NRIP1: variants seen among roughly 807,000 people sequenced by gnomAD.
NRIP1 encodes the protein nuclear receptor-interacting protein 1.
NRIP1 carries 28 observed loss-of-function variants against 75.0 expected under a neutral mutation model. That is an observed-to-expected ratio of 0.37 (90% confidence interval 0.28 to 0.51). The LOEUF (loss-of-function observed/expected upper bound fraction) is 0.51, where lower values mean the gene tolerates loss of function less well. Among genes scored for constraint, NRIP1 ranks in the 20% least tolerant of loss-of-function variants. NRIP1 has a pLI of 0.92. For missense variants in NRIP1, 1,435 were observed against 1,343.7 expected, an observed-to-expected ratio of 1.07 and a Z score of -1.06; for synonymous variants, 526 against 487.6, an observed-to-expected ratio of 1.08 and a Z score of -1.04.
chr21:15,062,687 A>G (rs942725033), intron 1 of NRIP1, among the ~76,000 whole-genome samples: 1 of 152,210 alleles, frequency 6.6e-6, no homozygotes, highest in Admixed American at 6.5e-5. Flanking sequence ...ATTTTCGACT[A>G]TATCAGAACT....
At chr21:15,005,360 AG>A (rs1384541645) in intron 3 of NRIP1, among the ~76,000 whole-genome samples, 1 of 127,544 alleles carries the variant, frequency 7.8e-6, no homozygotes, top group Non-Finnish European at 1.5e-5. Flanking sequence ...AAATTCACAG[AG>A]CCCCCCAAAG....
At chr21:14,996,047 G>A (rs1164034416) in intron 3 of NRIP1, among the ~76,000 whole-genome samples, 1 of 152,058 alleles carries the variant, frequency 6.6e-6, no homozygotes, top group Non-Finnish European at 1.5e-5. Context: ...CAACAGAAAT[G>A]TAATGGGAGC....
chr21:15,010,564 T>TA (rs1215448816), intron 3 of NRIP1, among the ~76,000 whole-genome samples: 3 of 152,136 alleles, frequency 2.0e-5, no homozygotes, highest in Non-Finnish European at 4.4e-5. Context: ...GATACCAAAT[T>TA]AAAAAAATGT....
intron 3 of NRIP1, among the ~76,000 whole-genome samples, chr21:15,007,061 AAGTGTGGT>A: frequency 6.6e-6 from 1 of 152,172 alleles, no homozygotes; most frequent in Non-Finnish European, 1.5e-5. Flanking sequence ...GTGACACAGG[AAGTGTGGT>A]AGTCCAATGG....
chr21:14,980,417 T>C (rs565914519), intron 3 of NRIP1, among the ~76,000 whole-genome samples: 1 of 151,992 alleles, frequency 6.6e-6, no homozygotes, highest in African/African-American at 2.4e-5. Context: ...GAGGTTGCAG[T>C]GAGCCAAGAT....
At chr21:15,056,931 A>G (rs373043721) in intron 1 of NRIP1, among the ~76,000 whole-genome samples, 13 of 152,130 alleles carry the variant, frequency 8.5e-5, no homozygotes, top group Admixed American at 3.3e-4. Context: ...TTTAACAATA[A>G]AAGAACGTAC....
Position 14,964,270 on chromosome 21 carries a change from T to G in NRIP1, c.*446A>C, listed in dbSNP as rs1240675391. 2 of 152,652 alleles carry G rather than the reference T, an allele frequency of 1.3e-5. No individual in the cohort carries two copies. The highest frequency in any genetic ancestry group is 2.9e-5 in the Non-Finnish European group (2 of 68,276). 9.5% of individuals were successfully genotyped at this position (152,652 alleles called of 1,614,324 possible). Reference sequence around the variant, plus strand: ...ATAAGCTGTGAATCAGCACTAGGTTTTTTTTTATTGGATAATTATCCTTTA... The same window carrying G: ...ATAAGCTGTGAATCAGCACTAGGTTGTTTTTTATTGGATAATTATCCTTTA... On this transcript the variant is annotated 3_prime_UTR_variant, in exon 4 of 4. Coordinates refer to ENST00000318948, the MANE Select transcript of NRIP1 (RefSeq NM_003489.4).
intron 3 of NRIP1, among the ~76,000 whole-genome samples, chr21:14,990,878 C>T (rs910915209): frequency 6.6e-6 from 1 of 152,074 alleles, no homozygotes; most frequent in African/African-American, 2.4e-5. Flanking sequence ...TAATAAGTAG[C>T]CATCACACTG....
chr21:15,054,996 C>T (rs1600935857), intron 1 of NRIP1, among the ~76,000 whole-genome samples: 1 of 152,224 alleles, frequency 6.6e-6, no homozygotes, highest in Admixed American at 6.5e-5. Flanking sequence ...GTTTCACCAA[C>T]ATCAGGAACG....
At chr21:15,031,633 G>A (rs1473722910) in intron 2 of NRIP1, among the ~76,000 whole-genome samples, 1 of 90,994 alleles carries the variant, frequency 1.1e-5, no homozygotes, top group Non-Finnish European at 2.0e-5. Context: ...ATACACTCTG[G>A]AAGGCGCTCG....
chr21:15,002,492 A>G (rs2087872340), intron 3 of NRIP1: 1 of 151,788 alleles, frequency 6.6e-6, no homozygotes, highest in Admixed American at 6.6e-5. Context: ...ACACACACGC[A>G]CCCACGCACA....
At chr21:15,008,396 C>T (rs1012012535) in intron 3 of NRIP1, among the ~76,000 whole-genome samples, 5 of 152,026 alleles carry the variant, frequency 3.3e-5, no homozygotes, top group African/African-American at 4.8e-5. Flanking sequence ...GGCGAATCAC[C>T]GTAGAAGAAG....
chr21:14,965,141 A>T lies in NRIP1; in HGVS notation c.3052T>A (p.Leu1018Met), dbSNP rs751436045. The T allele has an allele frequency of 6.2e-7, 1 of 1,613,080 alleles. No homozygotes were observed. Among genetic ancestry groups the T allele is most frequent in the South Asian group, 1.1e-5 (1 of 91,078 alleles). Residue 1018 changes from leucine to methionine, a missense_variant, in exon 4 of 4, where the codon TTG (leucine) becomes ATG (methionine). Transcript: ENST00000318948. ...TPVSPTFPEH[L>M]GCAGSRPESG... ...TCTGGTCTAGACCCTGCACAGCCCA[A>T]GTGCTCAGGGAAAGTAGGACTCACA...
At chr21:15,056,037 A>C (rs758549739) in intron 1 of NRIP1, among the ~76,000 whole-genome samples, 3 of 152,316 alleles carry the variant, frequency 2.0e-5, no homozygotes, top group African/African-American at 7.2e-5. Flanking sequence ...AAAATGGCAC[A>C]TAAGCACTAA....
rs920332139 is a variant in NRIP1 at position 14,976,013 on chromosome 21, A to G, written c.-334-7487T>C. Reference sequence around the variant, plus strand: ...AAAATGTGGTATTATCCTTCCTACCACTTACAAATATATTTTTTAAAAAAG... The same window carrying G: ...AAAATGTGGTATTATCCTTCCTACCGCTTACAAATATATTTTTTAAAAAAG... On this transcript the variant is annotated intron_variant, in intron 3 of 3. Coordinates refer to ENST00000318948, the MANE Select transcript of NRIP1 (RefSeq NM_003489.4). Among the ~76,000 whole-genome samples the G allele has an allele frequency of 1.3e-3, 193 of 152,244 alleles. 2 individuals are homozygous for G. Among genetic ancestry groups the G allele is most frequent in the African/African-American group, 4.5e-3 (185 of 41,554 alleles).
chr21:15,028,878 AT>A (rs1437028062), intron 2 of NRIP1, among the ~76,000 whole-genome samples: 2 of 152,134 alleles, frequency 1.3e-5, no homozygotes, highest in Non-Finnish European at 2.9e-5. Flanking sequence ...TTTATCTGAC[AT>A]CCCCATTTGG....
rs1412585987 is a variant in NRIP1, at chr21:15,034,441, G to A, written c.-458+9054C>T. Among the ~76,000 whole-genome samples the A allele has an allele frequency of 4.6e-5, 7 of 152,086 alleles. No individual in the cohort carries two copies. In the South Asian group the frequency reaches 1.0e-3, roughly 23 times the overall value. ...ACCTATCACAGCCATACTATGAAAC[G>A]AAAAGCAAGTCCATGTGGGAGTTTA... On this transcript the variant is annotated intron_variant, in intron 2 of 3. Coordinates refer to ENST00000318948, the MANE Select transcript of NRIP1 (RefSeq NM_003489.4).
At chr21:15,023,139 CTG>C (rs1194477898) in intron 2 of NRIP1, among the ~76,000 whole-genome samples, 1 of 152,166 alleles carries the variant, frequency 6.6e-6, no homozygotes, top group South Asian at 2.1e-4. Context: ...TAAAAAAAGA[CTG>C]TGGTGTTGGT....
chr21:14,977,981 C>T (rs769659395), intron 3 of NRIP1, among the ~76,000 whole-genome samples: 9 of 152,168 alleles, frequency 5.9e-5, no homozygotes, highest in East Asian at 1.9e-4. Flanking sequence ...CCAGAGACAC[C>T]GGTGACGAAA....
Sources: gnomAD v4.1 joint callset for allele counts (sites outside exome capture counted in the v4.1 genomes callset) on GRCh38, gnomAD v4.1.1 for gene constraint, MANE v1.5 for transcripts, NCBI Gene and HGNC (gene_info 2026-07-23, HGNC 2026-07-21) for gene names.